ST3GAL6: variants seen among roughly 807,000 people sequenced by gnomAD.
The protein encoded by ST3GAL6 is ST3 beta-galactoside alpha-2,3-sialyltransferase 6.
In ST3GAL6, 31 loss-of-function variants were observed where a neutral mutation model predicts 40.5. The ratio of observed to expected loss-of-function variants is 0.77; its 90% CI spans 0.58 to 1.03. The LOEUF (loss-of-function observed/expected upper bound fraction) is 1.03. Among genes scored for constraint, ST3GAL6 ranks in the 50% least tolerant of loss-of-function variants. The pLI is 0.00. For synonymous variants in ST3GAL6, 129 were observed against 136.9 expected, an observed-to-expected ratio of 0.94 and a Z score of 0.40; for missense variants, 357 against 393.2, an observed-to-expected ratio of 0.91 and a Z score of 0.78.
intron 1 of ST3GAL6, among the ~76,000 whole-genome samples, chr3:98,752,731 A>G (rs1169428188): frequency 6.6e-6 from 1 of 152,170 alleles, no homozygotes; most frequent in Non-Finnish European, 1.5e-5. Flanking sequence ...TCGGCCTCCC[A>G]AAGTGCTGGG....
chr3:98,761,963 C>T (rs999547796), upstream of ST3GAL6, among the ~76,000 whole-genome samples: 3 of 152,182 alleles, frequency 2.0e-5, no homozygotes, highest in South Asian at 6.2e-4. Context: ...AGTCATTTCT[C>T]TCCTTTTTAT....
intron 1 of ST3GAL6, among the ~76,000 whole-genome samples, chr3:98,742,568 T>C (rs1936181713): frequency 6.6e-6 from 1 of 152,214 alleles, no homozygotes; most frequent in African/African-American, 2.4e-5. Flanking sequence ...CATACCCTTA[T>C]TGAGGGGTCC....
Position 98,795,241 on chromosome 3 carries a change from G to GAAAC in ST3GAL6, c.*1482_*1485dup, listed in dbSNP as rs1237444265. On this transcript the variant is annotated 3_prime_UTR_variant, in exon 10 of 10. Coordinates refer to ENST00000483910, the MANE Select transcript of ST3GAL6 (RefSeq NM_001323368.2). Reference sequence around the variant, plus strand: ...TCTTTTGACCAATAAATACAATTGGGAAACACTGGAAAACCATGGCTTGAT... The same window carrying GAAAC: ...TCTTTTGACCAATAAATACAATTGGGAAACAAACACTGGAAAACCATGGCTTGAT... The GAAAC allele has an allele frequency of 6.6e-6, 1 of 152,050 alleles. No homozygotes were observed. The highest frequency in any genetic ancestry group is 2.4e-5 in the African/African-American group (1 of 41,296). 9.4% of individuals were successfully genotyped at this position (152,050 alleles called of 1,614,324 possible).
chr3:98,753,264 C>T (rs1051168487), intron 1 of ST3GAL6, among the ~76,000 whole-genome samples: 5 of 152,170 alleles, frequency 3.3e-5, no homozygotes, highest in Non-Finnish European at 7.3e-5. Context: ...TTTCTTGAGC[C>T]AAAGCCTGAT....
upstream of ST3GAL6, chr3:98,762,753 A>T: frequency 2.0e-6 from 2 of 980,060 alleles, no homozygotes; most frequent in Non-Finnish European, 2.4e-6. Flanking sequence ...TCTATAAGCC[A>T]CAATTTCAAA....
At chr3:98,738,769 A>G (rs989649835) in intron 1 of ST3GAL6, among the ~76,000 whole-genome samples, 6 of 152,214 alleles carry the variant, frequency 3.9e-5, no homozygotes, top group African/African-American at 1.4e-4. Flanking sequence ...GGGAGACTTT[A>G]ACACCCCACT....
At chr3:98,760,668 A>T (rs532593731), upstream of ST3GAL6, among the ~76,000 whole-genome samples, 4 of 152,374 alleles carry the variant, frequency 2.6e-5, no homozygotes, top group South Asian at 2.1e-4. Context: ...GATAGGCACC[A>T]CAATGCAATA....
intron 1 of ST3GAL6, among the ~76,000 whole-genome samples, chr3:98,734,139 C>T (rs549855892): frequency 6.6e-6 from 1 of 152,166 alleles, no homozygotes; most frequent in African/African-American, 2.4e-5. Context: ...ACTTTCCGGT[C>T]CTCAATCTTC....
rs200702006 is a variant in ST3GAL6 at position 98,782,755 on chromosome 3, TG to T, written c.336-2188del. 2.8e-3 allele frequency: 1,455 copies of T among 510,766 alleles called. 16 individuals are homozygous for T. Among genetic ancestry groups the T allele is most frequent in the African/African-American group, 0.026 (1,315 of 51,330 alleles). 31.6% of individuals were successfully genotyped at this position (510,766 alleles called of 1,614,324 possible). On this transcript the variant is annotated intron_variant, in intron 5 of 9. Coordinates refer to ENST00000483910, the MANE Select transcript of ST3GAL6 (RefSeq NM_001323368.2). ...CCATAGATCATGTTCAGCCTCCAAG[TG>T]GTCTCATAATCAACAAAGAATCTGA...
intron 1 of ST3GAL6, among the ~76,000 whole-genome samples, chr3:98,754,421 G>A (rs1277584085): frequency 6.6e-6 from 1 of 152,218 alleles, no homozygotes; most frequent in African/African-American, 2.4e-5. Context: ...TTTAATGAAT[G>A]AGGATTGCTT....
intron 1 of ST3GAL6, among the ~76,000 whole-genome samples, chr3:98,747,075 TGTG>T (rs1186675786): frequency 6.6e-6 from 1 of 152,218 alleles, no homozygotes; most frequent in Non-Finnish European, 1.5e-5. Context: ...CTAAAAACAA[TGTG>T]GTAACCTTCC....
intron 1 of ST3GAL6, among the ~76,000 whole-genome samples, chr3:98,764,039 G>T (rs903966353): frequency 6.6e-6 from 1 of 152,152 alleles, no homozygotes; most frequent in African/African-American, 2.4e-5. Flanking sequence ...ACAGAACTGG[G>T]GATGGAGGAG....
intron 1 of ST3GAL6, among the ~76,000 whole-genome samples, chr3:98,747,496 ATT>A (rs1326609526): frequency 6.6e-6 from 1 of 152,196 alleles, no homozygotes; most frequent in African/African-American, 2.4e-5. Context: ...ATTTCTAGCA[ATT>A]TGTACGATTC....
chr3:98,772,700 A>G, intron 3 of ST3GAL6, 113 bp from the exon 4 acceptor site: 1 of 589,974 alleles, frequency 1.7e-6, no homozygotes, highest in Non-Finnish European at 3.0e-6. Context: ...ACATTTTTGT[A>G]TAGCCAGTAT....
intron 1 of ST3GAL6, among the ~76,000 whole-genome samples, chr3:98,744,866 CCTT>C (rs755479594): frequency 7.2e-5 from 11 of 152,122 alleles, no homozygotes; most frequent in South Asian, 4.2e-4. Flanking sequence ...GTCAAAGATT[CCTT>C]CTTCTTTGAT....
At chr3:98,741,692 A>G (rs1301911523) in intron 1 of ST3GAL6, among the ~76,000 whole-genome samples, 1 of 152,222 alleles carries the variant, frequency 6.6e-6, no homozygotes, top group Non-Finnish European at 1.5e-5. Flanking sequence ...GTAGGTCTAT[A>G]TAAACAATTT....
At chr3:98,756,744 T>C (rs189172289) in intron 1 of ST3GAL6, among the ~76,000 whole-genome samples, 1 of 152,358 alleles carries the variant, frequency 6.6e-6, no homozygotes, top group African/African-American at 2.4e-5. Context: ...CCCTTCAGCA[T>C]ATCCCACAGT....
intron 6 of ST3GAL6, among the ~76,000 whole-genome samples, chr3:98,785,728 A>G (rs1406229332): frequency 6.6e-6 from 1 of 152,220 alleles, no homozygotes; most frequent in African/African-American, 2.4e-5. Flanking sequence ...GCAAGAGAAC[A>G]AAGCAGTCTG....
chr3:98,742,872 G>T (rs1301505557), intron 1 of ST3GAL6, among the ~76,000 whole-genome samples: 1 of 150,864 alleles, frequency 6.6e-6, no homozygotes, highest in Non-Finnish European at 1.5e-5. Context: ...TAATTTTTTT[G>T]TATTTTTAGT....
Sources: gnomAD v4.1 joint callset for allele counts (sites outside exome capture counted in the v4.1 genomes callset) on GRCh38, gnomAD v4.1.1 for gene constraint, MANE v1.5 for transcripts, NCBI Gene and HGNC (gene_info 2026-07-23, HGNC 2026-07-21) for gene names.